Variants in RETREG2 observed in about 807,000 individuals in gnomAD.
The protein encoded by RETREG2 is reticulophagy regulator family member 2, also known as reticulophagy regulator 2.
In RETREG2, 21 loss-of-function variants were observed where a neutral mutation model predicts 51.6. That is an observed-to-expected ratio of 0.41 (90% CI 0.29 to 0.59). The LOEUF is 0.59. RETREG2 is among the 20% of genes least tolerant of loss of function. The pLI, the probability that RETREG2 is intolerant of heterozygous loss-of-function variation, is 0.34. For missense variants in RETREG2, 674 were observed against 646.0 expected (o/e 1.04, Z -0.47); for synonymous variants, 339 against 288.6 (o/e 1.17, Z -1.77).
chr2:219,181,401 G>A lies in RETREG2; in HGVS notation c.817G>A (p.Asp273Asn). Residue 273 changes from aspartate (D) to asparagine (N), a missense_variant, in exon 7 of 9, where the codon GAT becomes AAT. Coordinates refer to ENST00000430297, the MANE Select transcript of RETREG2 (RefSeq NM_024293.6). ...GGGGAAGAATGCACCCCCAGGAGGT[G>A]ATGAGCCACTGGCAGAGACAGAGAG... ...RQGKNAPPGG[D>N]EPLAETESES... The A allele has an allele frequency of 6.2e-7, 1 of 1,614,148 alleles. No homozygotes were observed.
In RETREG2 at chr2:219,182,703, C is replaced by T; in HGVS notation, c.*74C>T. 1 of 1,553,090 alleles carries T rather than the reference C, an allele frequency of 6.4e-7. No homozygotes were observed. The highest frequency in any genetic ancestry group is 8.7e-7 in the Non-Finnish European group (1 of 1,145,232). On this transcript the variant is annotated 3_prime_UTR_variant, in exon 9 of 9. Coordinates refer to ENST00000430297, the MANE Select transcript of RETREG2 (RefSeq NM_024293.6). ...GGAGTGTTGCTGTTTCCTCCTTTGC[C>T]TACCACTCTGGGGTGGGGCAGTGTG...
At position 219,182,446 on chromosome 2, in the gene RETREG2, A is replaced by G; in HGVS notation, c.1449A>G (p.Glu483=). 1.9e-6 allele frequency: 3 copies of G among 1,613,380 alleles called. No individual in the cohort carries two copies. The highest frequency in any genetic ancestry group is 2.5e-6 in the Non-Finnish European group (3 of 1,179,892). The change falls in exon 9 of 9, where the codon GAA becomes GAG. Residue 483 remains glutamate, a synonymous_variant. Coordinates refer to ENST00000430297, the MANE Select transcript of RETREG2 (RefSeq NM_024293.6). Reference sequence around the variant, plus strand: ...CCCAGCCCCTGCCTGCCCCTGAGGAAGAAGAGGCACTCACCACTGAGGACT... The same window carrying G: ...CCCAGCCCCTGCCTGCCCCTGAGGAGGAAGAGGCACTCACCACTGAGGACT... ...DSPQPLPAPE[E]EEALTTEDFE...
chr2:219,179,116 T>G, intron 2 of RETREG2, 88 bp downstream of exon 2: 1 of 965,290 alleles, frequency 1.0e-6, no homozygotes, highest in Admixed American at 1.7e-5. Context: ...GAGGGGAACG[T>G]ACAGCAGGCC....
At position 219,182,730 on chromosome 2, in the gene RETREG2, G is replaced by A; in HGVS notation, c.*101G>A. ...ACCACTCTGGGGTGGGGCAGTGTGT[G>A]GGGAAGCTGGCTGTCGGATGGTAGC... On this transcript the variant is annotated 3_prime_UTR_variant, in exon 9 of 9. Transcript: ENST00000430297. 4 of 1,426,108 alleles carry A rather than the reference G, an allele frequency of 2.8e-6. No individual in the cohort carries two copies. Among genetic ancestry groups the A allele is most frequent in the Non-Finnish European group, 3.8e-6 (4 of 1,054,154 alleles). The allele number at this position is 1,426,108 out of a possible 1,614,324, so 88.3% of individuals were successfully genotyped here. A position where few individuals can be genotyped will look rare whatever the true frequency, so the allele number is the denominator to read the frequency against.
rs909398962 is a variant in RETREG2, at chr2:219,185,258, T to A, written c.*2629T>A. The A allele has an allele frequency of 6.6e-6, 1 of 151,972 alleles. No homozygotes were observed. The highest frequency in any genetic ancestry group is 1.5e-5 in the Non-Finnish European group (1 of 68,008). The allele number at this position is 151,972 out of a possible 1,614,324, so 9.4% of individuals were successfully genotyped here. On this transcript the variant is annotated 3_prime_UTR_variant, in exon 9 of 9. Coordinates refer to ENST00000430297, the MANE Select transcript of RETREG2 (RefSeq NM_024293.6). ...GATGAAAGGGCCAGAGGTTTTCATA[T>A]GAGTAAAAGAAAAAAGCAGAAATGT...
chr2:219,181,583 G>C, intron 7 of RETREG2, 57 bp from the exon 8 acceptor site: 1 of 1,605,462 alleles, frequency 6.2e-7, no homozygotes, highest in East Asian at 2.2e-5. Context: ...GGATGCTCCT[G>C]ATAAATTGGT....
rs1559219843 is a variant in RETREG2, at chr2:219,179,039, CTTCA to C, written c.388+16_388+19del. The C allele has an allele frequency of 1.3e-6, 2 of 1,587,484 alleles. No individual in the cohort carries two copies. ...TCCCTGACGTTTCAGGTGAGTGTTT[CTTCA>C]TTCAGTAAGCACCCATTGGGTACTT... On this transcript the variant is annotated intron_variant, in intron 2 of 8. Coordinates refer to ENST00000430297, the MANE Select transcript of RETREG2 (RefSeq NM_024293.6).
chr2:219,179,888 T>C (rs555532312), intron 3 of RETREG2, 125 bp downstream of exon 3: 2 of 1,249,166 alleles, frequency 1.6e-6, no homozygotes, highest in African/African-American at 1.5e-5. Context: ...CCATGGGTTT[T>C]TCATGGTCCT....
rs1950215338 is a variant in RETREG2, at chr2:219,178,282, C to T, written c.-71C>T. 3 of 361,888 alleles carry T rather than the reference C, an allele frequency of 8.3e-6. No individual in the cohort carries two copies. Among genetic ancestry groups the T allele is most frequent in the South Asian group, 1.3e-4 (1 of 7,608 alleles). The allele number at this position is 361,888 out of a possible 1,614,324, so 22.4% of individuals were successfully genotyped here. On this transcript the variant is annotated 5_prime_UTR_variant, in exon 1 of 9. Coordinates refer to ENST00000430297, the MANE Select transcript of RETREG2 (RefSeq NM_024293.6). ...TGTCCTCCGCGGCGCCCCCTTCCGC[C>T]TGACGCGCCCCCGGCGGCGGCCGCG...
At position 219,184,832 on chromosome 2, in the gene RETREG2, T is replaced by TTTTTTTTG. The variant is rs1950329597; in HGVS notation, c.*2210_*2211insGTTTTTTT. 3 of 135,752 alleles carry TTTTTTTTG rather than the reference T, an allele frequency of 2.2e-5. No individual in the cohort carries two copies. The highest frequency in any genetic ancestry group is 2.6e-4 in the South Asian group (1 of 3,894). The allele number at this position is 135,752 out of a possible 1,614,324, so 8.4% of individuals were successfully genotyped here. A position where few individuals can be genotyped will look rare whatever the true frequency, so the allele number is the denominator to read the frequency against. ...GTTTTTTGTTTTTTGTGGGTTTTTTTTTTTTTTTTTTTGAGACGGAGTCTT... is the reference window on the plus strand; with the variant it reads ...GTTTTTTGTTTTTTGTGGGTTTTTTTTTTTTTTGTTTTTTTTTTTTGAGACGGAGTCTT... On this transcript the variant is annotated 3_prime_UTR_variant, in exon 9 of 9. Transcript: ENST00000430297.
chr2:219,182,131 G>A lies in RETREG2; in HGVS notation c.1134G>A (p.Leu378=). The A allele has an allele frequency of 1.2e-6, 2 of 1,614,148 alleles. No homozygotes were observed. The highest frequency in any genetic ancestry group is 2.2e-5 in the South Asian group (2 of 91,084). The change falls in exon 9 of 9, where the codon CTG becomes CTA. Residue 378 remains leucine, a synonymous_variant. Transcript: ENST00000430297. ...ACCTACTAGGCCGTCCTCAAGCTCT[G>A]TCAAGGCAAGCCCTGGACTCGGAGG... ...PEDLLGRPQA[L]SRQALDSEEE... is the part of the protein sequence containing the mutation.
chr2:219,178,566 C>T lies in RETREG2; in HGVS notation c.214C>T (p.Arg72Trp), dbSNP rs971434857. ...GGAGGCGGTGCTGGCGGCGGCGCAG[C>T]GGTTGCTGGTGTGGGAGAAGCCGCT... ...GWEAVLAAAQ[R>W]LLVWEKPLHS... The change falls in exon 1 of 9, where the codon CGG (arginine) becomes TGG (tryptophan). Residue 72 changes from arginine to tryptophan, a missense_variant. Arg to Trp is a moderately radical substitution (Grantham distance 101, BLOSUM62 -3). Transcript: ENST00000430297. 6.9e-7 allele frequency: 1 copy of T among 1,453,474 alleles called. No individual in the cohort carries two copies. The allele number at this position is 1,453,474 out of a possible 1,614,324, so 90.0% of individuals were successfully genotyped here.
At chr2:219,179,079 T>C (rs764566524) in intron 2 of RETREG2, 51 bp downstream of exon 2, 18 of 1,363,992 alleles carry the variant, frequency 1.3e-5, no homozygotes, top group Non-Finnish European at 1.8e-5. Context: ...GCTTGGTGCC[T>C]GATTCCGCTG....
Position 219,184,445 on chromosome 2 carries a change from C to T in RETREG2, c.*1816C>T, listed in dbSNP as rs1190544069. The T allele has an allele frequency of 6.6e-6, 1 of 152,094 alleles. No homozygotes were observed. Among genetic ancestry groups the T allele is most frequent in the African/African-American group, 2.4e-5 (1 of 41,396 alleles). The allele number at this position is 152,094 out of a possible 1,614,324, so 9.4% of individuals were successfully genotyped here. A position where few individuals can be genotyped will look rare whatever the true frequency, so the allele number is the denominator to read the frequency against. On this transcript the variant is annotated 3_prime_UTR_variant, in exon 9 of 9. Transcript: ENST00000430297. ...CCATATGGTAATGCTGCCTGTCTTT[C>T]TGAGGTTGACTTTTATGCCATGTCT... is the stretch of plus-strand genomic sequence containing the variant.
At chr2:219,181,904 G>A (rs1369324883) in intron 8 of RETREG2, 109 bp from the exon 9 acceptor site, 3 of 1,559,014 alleles carry the variant, frequency 1.9e-6, no homozygotes, top group Non-Finnish European at 2.6e-6. Flanking sequence ...TAACACCTAA[G>A]GCTTGGCCCA....
At chr2:219,180,541 A>G (rs1950263177) in intron 4 of RETREG2, 129 bp from the exon 5 acceptor site, 1 of 1,518,116 alleles carries the variant, frequency 6.6e-7, no homozygotes, top group African/African-American at 1.4e-5. Context: ...CATCCTCTTA[A>G]CCAAACTGGA....
At chr2:219,179,071 T>TGAA in intron 2 of RETREG2, 43 bp downstream of exon 2, 1 of 1,434,774 alleles carries the variant, frequency 7.0e-7, no homozygotes, top group Non-Finnish European at 9.8e-7. Flanking sequence ...GGGTACTTGC[T>TGAA]TGGTGCCTGA....
chr2:219,181,567 G>A, intron 7 of RETREG2, 73 bp from the exon 8 acceptor site: 1 of 1,602,110 alleles, frequency 6.2e-7, no homozygotes, highest in South Asian at 1.1e-5. Flanking sequence ...GAGGTTTTGG[G>A]AGAGGGGATG....
Position 219,179,746 on chromosome 2 carries a change from G to C in RETREG2, c.402G>C (p.Glu134Asp). 1.9e-6 allele frequency: 3 copies of C among 1,614,090 alleles called. No homozygotes were observed. The highest frequency in any genetic ancestry group is 2.5e-6 in the Non-Finnish European group (3 of 1,179,986). ...CTCTCTCTCTAGCATCATCCCCAGA[G>C]GAGCCACACTCTGACAGGTGAGTAC... ...FLPDVSASSP[E>D]EPHSDSEGAG... Residue 134 changes from glutamate (E) to aspartate (D), a missense_variant, in exon 3 of 9, where the codon GAG becomes GAC. Physicochemically the swap from Glu to Asp is conservative, Grantham distance 45. Coordinates refer to ENST00000430297, the MANE Select transcript of RETREG2 (RefSeq NM_024293.6).
Sources: allele counts gnomAD v4.1 joint callset, GRCh38; gene constraint gnomAD v4.1.1; transcripts MANE v1.5; gene names NCBI Gene and HGNC (gene_info 2026-07-23, HGNC 2026-07-21).